ARK2C: variants seen among roughly 807,000 people sequenced by gnomAD.
ARK2C encodes E3 ubiquitin-protein ligase ARK2C.
chr18:46,419,424 A>T, the ARK2C span, among the ~76,000 whole-genome samples: 1 of 152,198 alleles, frequency 6.6e-6, no homozygotes, highest in African/African-American at 2.4e-5. Context: ...CAAGCAAGAC[A>T]CAACATGCTT....
At chr18:46,384,389 T>G in the ARK2C span, among the ~76,000 whole-genome samples, 8 of 152,354 alleles carry the variant, frequency 5.3e-5, no homozygotes, top group Middle Eastern at 3.4e-3. Flanking sequence ...TCCTTCTTAT[T>G]GCAGAGATGC....
the ARK2C span, among the ~76,000 whole-genome samples, chr18:46,352,174 T>A: frequency 6.6e-6 from 1 of 152,098 alleles, no homozygotes. Flanking sequence ...CAGGCTCCCC[T>A]CCTCCTTGGG....
chr18:46,348,816 G>A, the ARK2C span, among the ~76,000 whole-genome samples: 1 of 152,012 alleles, frequency 6.6e-6, no homozygotes, highest in Non-Finnish European at 1.5e-5. Flanking sequence ...TCCCTGGTAA[G>A]TCCTGCAACC....
chr18:46,460,699 C>T, the ARK2C span: 6 of 152,440 alleles, frequency 3.9e-5, no homozygotes, highest in Admixed American at 6.6e-5. Context: ...TTATTTCGTC[C>T]GAACTATCAG....
At chr18:46,346,410 C>CCCGAAACAGAAACTAT in the ARK2C span, among the ~76,000 whole-genome samples, 1 of 150,452 alleles carries the variant, frequency 6.6e-6, no homozygotes, top group Non-Finnish European at 1.5e-5. Flanking sequence ...TTTTAAATCA[C>CCCGAAACAGAAACTAT]CCGAAACAGA....
the ARK2C span, among the ~76,000 whole-genome samples, chr18:46,346,650 T>C: frequency 6.6e-6 from 1 of 152,184 alleles, no homozygotes; most frequent in Non-Finnish European, 1.5e-5. Flanking sequence ...AATACCAGTG[T>C]CACAGAGTGG....
At chr18:46,412,653 C>T in the ARK2C span, among the ~76,000 whole-genome samples, 6 of 152,182 alleles carry the variant, frequency 3.9e-5, no homozygotes, top group Non-Finnish European at 8.8e-5. Context: ...CTGTTAAATG[C>T]TCTCCCTCCA....
chr18:46,391,136 T>C, the ARK2C span, among the ~76,000 whole-genome samples: 12 of 152,294 alleles, frequency 7.9e-5, no homozygotes, highest in Admixed American at 6.5e-4. Flanking sequence ...ACCAATCGCC[T>C]CCATAAACAG....
the ARK2C span, among the ~76,000 whole-genome samples, chr18:46,391,166 C>T: frequency 6.6e-6 from 1 of 152,180 alleles, no homozygotes. Flanking sequence ...CTTCGCAATT[C>T]ATCACTTACA....
At chr18:46,372,134 C>G in the ARK2C span, among the ~76,000 whole-genome samples, 1 of 152,276 alleles carries the variant, frequency 6.6e-6, no homozygotes, top group African/African-American at 2.4e-5. Flanking sequence ...TGGAGGTTGG[C>G]TGCAGGGCCT....
chr18:46,408,022 T>A, the ARK2C span, among the ~76,000 whole-genome samples: 12 of 152,140 alleles, frequency 7.9e-5, no homozygotes, highest in South Asian at 2.5e-3. Flanking sequence ...TTGGACATCA[T>A]GGATGGGGTG....
the ARK2C span, chr18:46,447,699 G>C: frequency 3.1e-6 from 5 of 1,614,118 alleles, no homozygotes; most frequent in Non-Finnish European, 4.2e-6. Context: ...GATGGTAAGT[G>C]AAAGAAGACG....
the ARK2C span, among the ~76,000 whole-genome samples, chr18:46,419,851 T>A: frequency 6.6e-6 from 1 of 152,184 alleles, no homozygotes; most frequent in African/African-American, 2.4e-5. Flanking sequence ...CCTTCCTCTT[T>A]GCATCCTTTT....
the ARK2C span, among the ~76,000 whole-genome samples, chr18:46,389,973 C>T: frequency 6.6e-6 from 1 of 152,300 alleles, no homozygotes; most frequent in East Asian, 1.9e-4. Context: ...AACTGACCTG[C>T]TACCTTGGCC....
the ARK2C span, among the ~76,000 whole-genome samples, chr18:46,420,159 C>A: frequency 6.6e-6 from 1 of 152,198 alleles, no homozygotes; most frequent in Non-Finnish European, 1.5e-5. Flanking sequence ...TGAAATCCCA[C>A]CATTAGAACT....
the ARK2C span, among the ~76,000 whole-genome samples, chr18:46,339,906 A>G: frequency 6.6e-6 from 1 of 152,234 alleles, no homozygotes; most frequent in African/African-American, 2.4e-5. Flanking sequence ...CCATCTTTAA[A>G]TAAGTATCCT....
At chr18:46,450,840 G>C in the ARK2C span, 1 of 1,453,902 alleles carries the variant, frequency 6.9e-7, no homozygotes, top group African/African-American at 1.4e-5. Context: ...TCAGGGAATG[G>C]GGCAGGGGGG....
the ARK2C span, among the ~76,000 whole-genome samples, chr18:46,426,896 G>T: frequency 6.6e-6 from 1 of 152,192 alleles, no homozygotes; most frequent in Admixed American, 6.5e-5. Context: ...AAAATTGCAG[G>T]TTGTCTATTA....
the ARK2C span, among the ~76,000 whole-genome samples, chr18:46,347,644 G>A: frequency 6.6e-6 from 1 of 152,168 alleles, no homozygotes. Flanking sequence ...CACCGTGAGT[G>A]GCTCCTGGCA....
Sources: gnomAD v4.1 joint callset for allele counts (sites outside exome capture counted in the v4.1 genomes callset) on GRCh38, gnomAD v4.1.1 for gene constraint, MANE v1.5 for transcripts, NCBI Gene and HGNC (gene_info 2026-07-23, HGNC 2026-07-21) for gene names.